Variants in NEBL observed in about 807,000 individuals in gnomAD.
NEBL encodes nebulette, also known as LIM and SH3 protein 2.
Under a neutral mutation model 140.2 loss-of-function variants are expected in NEBL, and 122 were observed. That is an observed-to-expected ratio of 0.87 (90% confidence interval 0.75 to 1.01). NEBL has a LOEUF of 1.01. NEBL is among the 50% of genes least tolerant of loss of function. The pLI, the probability that NEBL is intolerant of heterozygous loss-of-function variation, is 0.00. For missense variants in NEBL, 1,365 were observed against 1,231.3 expected, an observed-to-expected ratio of 1.11 and a Z score of -1.62; for synonymous variants, 436 against 398.9, an observed-to-expected ratio of 1.09 and a Z score of -1.11.
chr10:21,133,871 C>T (rs1243887536), intron 2 of NEBL, among the ~76,000 whole-genome samples: 1 of 152,132 alleles, frequency 6.6e-6, no homozygotes, highest in Non-Finnish European at 1.5e-5. Context: ...CATCTTTGTC[C>T]TGTGTATAAG....
intron 4 of NEBL, among the ~76,000 whole-genome samples, chr10:20,940,998 A>G (rs2131565841): frequency 6.6e-6 from 1 of 152,340 alleles, no homozygotes; most frequent in South Asian, 2.1e-4. Flanking sequence ...GCCGAATTCT[A>G]CCAGAGGTAC....
intron 2 of NEBL, among the ~76,000 whole-genome samples, chr10:21,115,070 T>C (rs140059333): frequency 6.6e-6 from 1 of 152,100 alleles, no homozygotes; most frequent in African/African-American, 2.4e-5. Flanking sequence ...CTTTATATTG[T>C]TTCTTTAGGC....
chr10:20,966,701 AAAAC>A (rs372840923), intron 3 of NEBL, among the ~76,000 whole-genome samples: 84 of 152,332 alleles, frequency 5.5e-4, no homozygotes, highest in African/African-American at 1.9e-3. Flanking sequence ...AGACTTCTGA[AAAAC>A]AAAATAACAG....
chr10:21,207,127 C>A (rs574287977), intron 3 of NEBL, among the ~76,000 whole-genome samples: 49 of 152,092 alleles, frequency 3.2e-4, no homozygotes, highest in Admixed American at 3.0e-3. Flanking sequence ...ACACCCACTA[C>A]CACGCCTGGC....
chr10:21,186,617 C>T (rs1841475902), intron 3 of NEBL, among the ~76,000 whole-genome samples: 3 of 151,948 alleles, frequency 2.0e-5, no homozygotes, highest in African/African-American at 7.2e-5. Flanking sequence ...TGGCCCAACA[C>T]AAATTCATAA....
chr10:20,801,304 C>T (rs1303991246), intron 26 of NEBL, among the ~76,000 whole-genome samples: 2 of 151,938 alleles, frequency 1.3e-5, no homozygotes, highest in Non-Finnish European at 2.9e-5. Context: ...CCTCCACCTC[C>T]TGGGTTCAAG....
chr10:21,146,585 T>G, intron 2 of NEBL: 1 of 1,099,150 alleles, frequency 9.1e-7, no homozygotes, highest in Non-Finnish European at 1.3e-6. Flanking sequence ...TTCATCTTAA[T>G]TACAGAAGCT....
At chr10:21,116,301 C>T (rs927356491) in intron 2 of NEBL, among the ~76,000 whole-genome samples, 1 of 152,080 alleles carries the variant, frequency 6.6e-6, no homozygotes, top group African/African-American at 2.4e-5. Flanking sequence ...TGGTGAGAGC[C>T]CTCTTTTTGG....
intron 3 of NEBL, among the ~76,000 whole-genome samples, chr10:20,981,455 A>T (rs564403889): frequency 2.0e-5 from 3 of 152,298 alleles, no homozygotes; most frequent in African/African-American, 7.2e-5. Context: ...AAAGTAAAAA[A>T]CAAAAATTTC....
chr10:21,221,865 T>C (rs750969760), intron 3 of NEBL, among the ~76,000 whole-genome samples: 26 of 152,098 alleles, frequency 1.7e-4, no homozygotes, highest in Non-Finnish European at 2.9e-4. Flanking sequence ...TTCTGTCCTC[T>C]CTCATTCATC....
intron 3 of NEBL, among the ~76,000 whole-genome samples, chr10:21,224,173 T>A (rs961189687): frequency 2.0e-5 from 3 of 152,206 alleles, no homozygotes; most frequent in Non-Finnish European, 4.4e-5. Flanking sequence ...TTTAATCCAT[T>A]TTGATTTGAT....
chr10:21,242,676 T>C (rs149955406), intron 3 of NEBL, among the ~76,000 whole-genome samples: 2 of 152,096 alleles, frequency 1.3e-5, no homozygotes, highest in African/African-American at 2.4e-5. Context: ...CTTGGGTAAA[T>C]TGAGGAAGGA....
chr10:20,975,618 G>A (rs1269376558), intron 3 of NEBL, among the ~76,000 whole-genome samples: 2 of 152,108 alleles, frequency 1.3e-5, no homozygotes, highest in South Asian at 2.1e-4. Context: ...AGAGTATAAC[G>A]AAACCCACGT....
At chr10:21,154,015 A>G (rs79653691) in intron 2 of NEBL, among the ~76,000 whole-genome samples, 4,577 of 152,208 alleles carry the variant, frequency 0.03, 240 homozygotes, top group African/African-American at 0.1. Context: ...AATCTATTCC[A>G]CCTGATTCAG....
intron 4 of NEBL, among the ~76,000 whole-genome samples, chr10:20,951,392 A>C (rs564652291): frequency 2.6e-5 from 4 of 152,172 alleles, no homozygotes; most frequent in African/African-American, 9.6e-5. Context: ...ATGAGCAAAA[A>C]AAAAAAAAGA....
At chr10:20,868,071 TG>T (rs1232375983) in intron 7 of NEBL, 3 of 139,878 alleles carry the variant, frequency 2.1e-5, no homozygotes, top group Non-Finnish European at 4.5e-5. Context: ...AAAAAAACGC[TG>T]TTGGAGTCTA....
intron 3 of NEBL, among the ~76,000 whole-genome samples, chr10:21,195,751 T>C (rs1180679759): frequency 6.6e-6 from 1 of 152,244 alleles, no homozygotes; most frequent in Non-Finnish European, 1.5e-5. Flanking sequence ...ATCACATGTA[T>C]ATTTTATACT....
At chr10:20,977,618 TG>T (rs1006308868) in intron 3 of NEBL, among the ~76,000 whole-genome samples, 1 of 152,056 alleles carries the variant, frequency 6.6e-6, no homozygotes, top group Non-Finnish European at 1.5e-5. Context: ...CAAATCCAAT[TG>T]GTACTCAAAT....
chr10:20,954,434 T>A (rs1407610686), intron 4 of NEBL, among the ~76,000 whole-genome samples: 1 of 152,172 alleles, frequency 6.6e-6, no homozygotes, highest in Non-Finnish European at 1.5e-5. Flanking sequence ...GGAAAACTCA[T>A]AATGCAGCTA....
Sources: gnomAD v4.1 joint callset for allele counts (sites outside exome capture counted in the v4.1 genomes callset) on GRCh38, gnomAD v4.1.1 for gene constraint, MANE v1.5 for transcripts, NCBI Gene and HGNC (gene_info 2026-07-23, HGNC 2026-07-21) for gene names.